The following NALF1 variants were observed in gnomAD, a reference collection of about 807,000 sequenced individuals.
NALF1 encodes family with sequence similarity 155 member A.
In NALF1, 3 loss-of-function variants were observed where a neutral mutation model predicts 48.4. That is an observed-to-expected ratio of 0.06 (90% CI 0.03 to 0.16). The LOEUF (loss-of-function observed/expected upper bound fraction) is 0.16. NALF1 is among the 10% of genes least tolerant of loss of function. NALF1 has a pLI of 1.00. For synonymous variants in NALF1, 262 were observed against 245.7 expected, an observed-to-expected ratio of 1.07 and a Z score of -0.62; for missense variants, 526 against 571.5, an observed-to-expected ratio of 0.92 and a Z score of 0.81.
intron 1 of NALF1, among the ~76,000 whole-genome samples, chr13:107,492,566 A>T (rs1285184764): frequency 6.6e-6 from 1 of 152,150 alleles, no homozygotes; most frequent in Non-Finnish European, 1.5e-5. Flanking sequence ...CTTACTCAAC[A>T]GCTTGCTATG....
At chr13:107,773,229 T>C (rs908896524) in intron 1 of NALF1, among the ~76,000 whole-genome samples, 2 of 152,232 alleles carry the variant, frequency 1.3e-5, no homozygotes, top group African/African-American at 2.4e-5. Flanking sequence ...TCCAGTTTGA[T>C]AGATTACTTT....
intron 1 of NALF1, among the ~76,000 whole-genome samples, chr13:107,823,533 A>G (rs551448618): frequency 6.6e-6 from 1 of 152,256 alleles, no homozygotes; most frequent in South Asian, 2.1e-4. Context: ...CACCTCTGCC[A>G]AGGTCCTCTG....
chr13:107,361,477 A>AG (rs1422782140), intron 1 of NALF1, among the ~76,000 whole-genome samples: 1 of 152,130 alleles, frequency 6.6e-6, no homozygotes, highest in Non-Finnish European at 1.5e-5. Context: ...AAAGGACTGT[A>AG]GGGGAAAAAA....
intron 1 of NALF1, among the ~76,000 whole-genome samples, chr13:107,864,774 T>C (rs551077369): frequency 1.3e-5 from 2 of 152,346 alleles, no homozygotes; most frequent in East Asian, 3.9e-4. Flanking sequence ...GCGCCTATTG[T>C]TGCATTTGCA....
rs186982588 is a variant in NALF1 at position 107,483,897 on chromosome 13, A to T, written c.916-273142T>A. ...TAAAAAAGCTTTAGAGATAAAGAAT[A>T]CTATTTTAAAGCAAATATATAAAAT... On this transcript the variant is annotated intron_variant, in intron 1 of 2. Transcript: ENST00000375915. Among the ~76,000 whole-genome samples the T allele has an allele frequency of 3.3e-5, 5 of 152,206 alleles. No homozygotes were observed. The East Asian group carries it at 9.6e-4, about 29-fold the overall frequency.
intron 1 of NALF1, among the ~76,000 whole-genome samples, chr13:107,269,589 A>G (rs1044674094): frequency 1.3e-5 from 2 of 152,150 alleles, no homozygotes; most frequent in Non-Finnish European, 2.9e-5. Context: ...ATAGAGTCAT[A>G]TTTAGAACAG....
At chr13:107,610,597 T>C (rs1031653946) in intron 1 of NALF1, among the ~76,000 whole-genome samples, 2 of 152,206 alleles carry the variant, frequency 1.3e-5, no homozygotes, top group Non-Finnish European at 2.9e-5. Flanking sequence ...TTTATGATAA[T>C]ACCAGCCTCT....
intron 1 of NALF1, among the ~76,000 whole-genome samples, chr13:107,228,669 G>T (rs1486543950): frequency 6.6e-6 from 1 of 152,114 alleles, no homozygotes; most frequent in East Asian, 1.9e-4. Context: ...GCCTAGGGTG[G>T]AGTACAATGG....
intron 1 of NALF1, among the ~76,000 whole-genome samples, chr13:107,308,383 C>T (rs941678087): frequency 6.6e-6 from 1 of 151,520 alleles, no homozygotes; most frequent in East Asian, 2.0e-4. Context: ...TTTGTATTTT[C>T]AGTAGAGACG....
intron 1 of NALF1, among the ~76,000 whole-genome samples, chr13:107,544,291 T>C: frequency 6.6e-6 from 1 of 152,152 alleles, no homozygotes; most frequent in Non-Finnish European, 1.5e-5. Context: ...CATTTTGACT[T>C]TGCAATATCA....
At chr13:107,697,741 G>C (rs887803753) in intron 1 of NALF1, among the ~76,000 whole-genome samples, 1 of 152,190 alleles carries the variant, frequency 6.6e-6, no homozygotes, top group East Asian at 1.9e-4. Context: ...TATTAACATT[G>C]AAGTCGCACA....
intron 1 of NALF1, among the ~76,000 whole-genome samples, chr13:107,819,300 G>A (rs1214676935): frequency 6.6e-6 from 1 of 152,164 alleles, no homozygotes; most frequent in Non-Finnish European, 1.5e-5. Flanking sequence ...CACAATGGCT[G>A]GCACATAAAC....
intron 1 of NALF1, among the ~76,000 whole-genome samples, chr13:107,722,565 C>T (rs1383892590): frequency 1.3e-5 from 2 of 152,106 alleles, no homozygotes; most frequent in East Asian, 3.9e-4. Flanking sequence ...CTGCCAGTGC[C>T]TCCCTAGCGG....
intron 1 of NALF1, among the ~76,000 whole-genome samples, chr13:107,504,250 C>CAAA (rs769667553): frequency 5.6e-5 from 4 of 71,692 alleles, no homozygotes; most frequent in African/African-American, 9.4e-5. Flanking sequence ...GGCCCTATCT[C>CAAA]AAAAAAAAAA....
At chr13:107,508,867 C>G (rs1482797566) in intron 1 of NALF1, among the ~76,000 whole-genome samples, 1 of 151,962 alleles carries the variant, frequency 6.6e-6, no homozygotes, top group African/African-American at 2.4e-5. Flanking sequence ...ACAACAAAAG[C>G]TGGAAAATAC....
intron 1 of NALF1, among the ~76,000 whole-genome samples, chr13:107,637,113 T>C (rs1466613336): frequency 7.2e-5 from 11 of 151,896 alleles, no homozygotes; most frequent in Non-Finnish European, 1.6e-4. Context: ...CCTAGGTGTA[T>C]CATAGATTAT....
At chr13:107,353,852 A>G (rs192378615) in intron 1 of NALF1, among the ~76,000 whole-genome samples, 1 of 152,358 alleles carries the variant, frequency 6.6e-6, no homozygotes, top group Admixed American at 6.5e-5. Context: ...CCATTAATTC[A>G]TTAGTAAATG....
intron 1 of NALF1, among the ~76,000 whole-genome samples, chr13:107,461,398 A>G (rs1884916734): frequency 6.6e-6 from 1 of 152,176 alleles, no homozygotes; most frequent in African/African-American, 2.4e-5. Context: ...GTCATTTATG[A>G]ACTAAACAAT....
chr13:107,411,331 G>T (rs937939938), intron 1 of NALF1, among the ~76,000 whole-genome samples: 1 of 149,946 alleles, frequency 6.7e-6, no homozygotes, highest in East Asian at 2.0e-4. Context: ...TCAAGACAGG[G>T]TCTTGCATCT....
Sources: allele counts gnomAD v4.1 joint callset (sites outside exome capture counted in the v4.1 genomes callset), GRCh38; gene constraint gnomAD v4.1.1; transcripts MANE v1.5; gene names NCBI Gene and HGNC (gene_info 2026-07-23, HGNC 2026-07-21).